Variants in COL5A2 observed in about 807,000 individuals in gnomAD.
The protein encoded by COL5A2 is collagen type V alpha 2 chain.
In COL5A2, 23 loss-of-function variants were observed where a neutral mutation model predicts 208.2. That is an observed-to-expected ratio of 0.11 (90% CI 0.08 to 0.16). The LOEUF is 0.16. COL5A2 is among the 10% of genes least tolerant of loss of function. The probability of loss-of-function intolerance (pLI) is 1.00; values close to 1 mark genes in which losing one functional copy is unlikely to be tolerated. For missense variants in COL5A2, 1,590 were observed against 1,956.4 expected (o/e 0.81, Z 3.53); for synonymous variants, 625 against 628.5 (o/e 0.99, Z 0.08).
At chr2:189,344,576 G>C in the COL5A2 span, among the ~76,000 whole-genome samples, 1 of 152,246 alleles carries the variant, frequency 6.6e-6, no homozygotes, top group South Asian at 2.1e-4. Flanking sequence ...CAAGTCCCAA[G>C]AATATCTAAA....
the COL5A2 span, among the ~76,000 whole-genome samples, chr2:189,437,023 T>TA: frequency 1.3e-5 from 2 of 150,782 alleles, no homozygotes; most frequent in African/African-American, 2.4e-5. Context: ...AAAGTTGATT[T>TA]AAAAAAAAAG....
chr2:189,072,984 C>T (rs112981662), intron 17 of COL5A2, among the ~76,000 whole-genome samples: 1 of 152,074 alleles, frequency 6.6e-6, no homozygotes, highest in Admixed American at 6.6e-5. Flanking sequence ...CATCAGTTTT[C>T]AATTAATAGA....
intron 1 of COL5A2, among the ~76,000 whole-genome samples, chr2:189,147,900 A>G (rs539708185): frequency 2.0e-4 from 30 of 152,188 alleles, no homozygotes; most frequent in Non-Finnish European, 3.5e-4. Flanking sequence ...TGGTCCCGGG[A>G]CTCTACCAAA....
the COL5A2 span, among the ~76,000 whole-genome samples, chr2:189,316,219 T>C: frequency 6.6e-6 from 1 of 152,062 alleles, no homozygotes; most frequent in Non-Finnish European, 1.5e-5. Flanking sequence ...TTAATGTCCA[T>C]CAATGATAGA....
the COL5A2 span, among the ~76,000 whole-genome samples, chr2:189,319,491 T>C: frequency 6.6e-6 from 1 of 152,086 alleles, no homozygotes; most frequent in African/African-American, 2.4e-5. Context: ...TCCAATGGTC[T>C]TAGCAAACAG....
the COL5A2 span, among the ~76,000 whole-genome samples, chr2:189,326,477 G>A: frequency 2.0e-5 from 3 of 151,960 alleles, no homozygotes; most frequent in African/African-American, 7.2e-5. Flanking sequence ...AGGAATTGGA[G>A]ACCAGCCTGG....
At chr2:189,358,731 G>C in the COL5A2 span, among the ~76,000 whole-genome samples, 2 of 152,130 alleles carry the variant, frequency 1.3e-5, no homozygotes, top group Admixed American at 6.6e-5. Flanking sequence ...ATTTTATTGT[G>C]TGCGTCTTCT....
At chr2:189,062,802 A>C in intron 29 of COL5A2, 63 bp downstream of exon 29, 1 of 1,593,218 alleles carries the variant, frequency 6.3e-7, no homozygotes. Context: ...AACAAACATC[A>C]TCGAAAAAAT....
the COL5A2 span, among the ~76,000 whole-genome samples, chr2:189,334,049 T>C: frequency 6.6e-6 from 1 of 151,982 alleles, no homozygotes; most frequent in African/African-American, 2.4e-5. Context: ...TTTTAAACTA[T>C]ATTTAACAAT....
the COL5A2 span, among the ~76,000 whole-genome samples, chr2:189,288,315 T>C: frequency 6.6e-6 from 1 of 152,212 alleles, no homozygotes; most frequent in Non-Finnish European, 1.5e-5. Context: ...TCTATCTACT[T>C]GTGTTGACCT....
At chr2:189,388,352 G>A in the COL5A2 span, among the ~76,000 whole-genome samples, 2 of 152,200 alleles carry the variant, frequency 1.3e-5, no homozygotes, top group African/African-American at 4.8e-5. Flanking sequence ...GAGACAGGAA[G>A]GTAAAGATCC....
intron 1 of COL5A2, among the ~76,000 whole-genome samples, chr2:189,162,096 C>T (rs1443633642): frequency 6.6e-6 from 1 of 152,196 alleles, no homozygotes; most frequent in Non-Finnish European, 1.5e-5. Context: ...CTCCACCTCT[C>T]AGGCAGTATG....
At chr2:189,407,856 A>T in the COL5A2 span, among the ~76,000 whole-genome samples, 1 of 152,200 alleles carries the variant, frequency 6.6e-6, no homozygotes, top group Non-Finnish European at 1.5e-5. Context: ...TGTAGTCAGG[A>T]AATGAGAATT....
intron 1 of COL5A2, among the ~76,000 whole-genome samples, chr2:189,125,473 G>C (rs1243334281): frequency 6.6e-6 from 1 of 151,976 alleles, no homozygotes; most frequent in Admixed American, 6.6e-5. Flanking sequence ...CTTATAAGGG[G>C]ATTTCCTCCC....
the COL5A2 span, among the ~76,000 whole-genome samples, chr2:189,394,463 T>C: frequency 6.6e-6 from 1 of 152,142 alleles, no homozygotes; most frequent in African/African-American, 2.4e-5. Flanking sequence ...TTAGCGCCCA[T>C]CTAAGAGGAG....
intron 3 of COL5A2, among the ~76,000 whole-genome samples, chr2:189,101,550 T>C (rs1460386569): frequency 6.6e-6 from 1 of 152,158 alleles, no homozygotes; most frequent in African/African-American, 2.4e-5. Context: ...TACCTTATGA[T>C]ATGTTTTTAG....
intron 6 of COL5A2, chr2:189,095,252 T>C (rs1003321958): frequency 6.6e-6 from 1 of 152,202 alleles, no homozygotes; most frequent in Non-Finnish European, 1.5e-5. Context: ...ATTCTACCTA[T>C]GGGCATTCTG....
chr2:189,376,909 T>C, the COL5A2 span, among the ~76,000 whole-genome samples: 1 of 152,084 alleles, frequency 6.6e-6, no homozygotes, highest in Non-Finnish European at 1.5e-5. Context: ...AGGAAAAAAA[T>C]GCTGAATTTT....
chr2:189,423,341 G>A, the COL5A2 span, among the ~76,000 whole-genome samples: 1 of 150,688 alleles, frequency 6.6e-6, no homozygotes, highest in Admixed American at 6.6e-5. Context: ...AAAAAAATAG[G>A]AAAAAATTAA....
Sources: allele counts gnomAD v4.1 joint callset (sites outside exome capture counted in the v4.1 genomes callset), GRCh38; gene constraint gnomAD v4.1.1; transcripts MANE v1.5; gene names NCBI Gene and HGNC (gene_info 2026-07-23, HGNC 2026-07-21).